Variants in SUGCT observed in about 807,000 individuals in gnomAD.
The protein encoded by SUGCT is succinyl-CoA:glutarate-CoA transferase.
A neutral mutation model predicts 55.0 loss-of-function variants in SUGCT; 41 were observed. The ratio of observed to expected loss-of-function variants is 0.74; its 90% CI spans 0.58 to 0.97. The LOEUF is 0.97. Ranked by LOEUF, SUGCT falls within the 50% of genes least tolerant of loss-of-function variation. The pLI, the probability that SUGCT is intolerant of heterozygous loss-of-function variation, is 0.00. For synonymous variants in SUGCT, 187 were observed against 200.4 expected (o/e 0.93, Z 0.56); for missense variants, 568 against 547.8 (o/e 1.04, Z -0.37).
chr7:40,213,773 G>C (rs1787473238), intron 6 of SUGCT, among the ~76,000 whole-genome samples: 1 of 152,152 alleles, frequency 6.6e-6, no homozygotes, highest in Admixed American at 6.5e-5. Context: ...TCAAGTTGTA[G>C]TCCAATATTA....
At chr7:40,190,829 C>T (rs1285166699) in intron 5 of SUGCT, among the ~76,000 whole-genome samples, 2 of 152,112 alleles carry the variant, frequency 1.3e-5, no homozygotes, top group Non-Finnish European at 2.9e-5. Context: ...GTCCTGCAGT[C>T]GGCCCTGTGG....
At chr7:40,953,560 G>GT in the SUGCT span, among the ~76,000 whole-genome samples, 1 of 152,226 alleles carries the variant, frequency 6.6e-6, no homozygotes, top group Non-Finnish European at 1.5e-5. Flanking sequence ...TTTCTGCTCT[G>GT]TTTTTTCCCC....
intron 9 of SUGCT, among the ~76,000 whole-genome samples, chr7:40,320,436 A>G (rs892615888): frequency 5.3e-5 from 8 of 152,142 alleles, no homozygotes; most frequent in Non-Finnish European, 8.8e-5. Flanking sequence ...GCCCTTAAAC[A>G]ATTATACTTA....
At chr7:40,801,605 A>C (rs1790820239) in intron 13 of SUGCT, among the ~76,000 whole-genome samples, 1 of 152,160 alleles carries the variant, frequency 6.6e-6, no homozygotes, top group Non-Finnish European at 1.5e-5. Flanking sequence ...ATAAAAATGA[A>C]GACTGAGTTT....
At chr7:40,536,513 G>T (rs1794368716) in intron 12 of SUGCT, among the ~76,000 whole-genome samples, 1 of 152,196 alleles carries the variant, frequency 6.6e-6, no homozygotes, top group African/African-American at 2.4e-5. Context: ...TTTGAGAATG[G>T]AAAGTTTTGG....
chr7:40,684,257 AG>A, intron 12 of SUGCT: 24 of 1,352,872 alleles, frequency 1.8e-5, no homozygotes, highest in Non-Finnish European at 1.9e-5. Context: ...TTTACATCAC[AG>A]GTTTCAGGGA....
downstream of SUGCT, among the ~76,000 whole-genome samples, chr7:40,865,464 G>A (rs1794562577): frequency 6.6e-6 from 1 of 152,182 alleles, no homozygotes; most frequent in African/African-American, 2.4e-5. Flanking sequence ...ACTCTGGGCT[G>A]TGGCAGAGTT....
chr7:40,248,459 C>G (rs1396486516), intron 7 of SUGCT, among the ~76,000 whole-genome samples: 1 of 152,130 alleles, frequency 6.6e-6, no homozygotes, highest in Non-Finnish European at 1.5e-5. Flanking sequence ...GTTTATTTAA[C>G]CTTCTCTTGC....
chr7:40,943,108 A>G, the SUGCT span, among the ~76,000 whole-genome samples: 2 of 151,858 alleles, frequency 1.3e-5, no homozygotes, highest in Non-Finnish European at 2.9e-5. Context: ...AGCTAGTGTG[A>G]TCTTTTAGGG....
chr7:40,292,271 G>A (rs1284802278), intron 8 of SUGCT, among the ~76,000 whole-genome samples: 1 of 152,006 alleles, frequency 6.6e-6, no homozygotes, highest in East Asian at 1.9e-4. Flanking sequence ...ATAGGGACAG[G>A]GGATTAACAC....
intron 7 of SUGCT, among the ~76,000 whole-genome samples, chr7:40,245,404 C>CATATATATATATATATAT (rs202125224): frequency 2.5e-3 from 133 of 53,186 alleles, no homozygotes; most frequent in East Asian, 9.4e-3. Context: ...ACGTAGTAGA[C>CATATATATATATATATAT]ATATATATAT....
the SUGCT span, among the ~76,000 whole-genome samples, chr7:40,915,441 A>T: frequency 2.1e-3 from 321 of 152,320 alleles, 1 homozygote; most frequent in Non-Finnish European, 2.4e-3. Flanking sequence ...GGAATTGTCT[A>T]TGAATGTTTA....
rs1308642810 is a variant in SUGCT at position 40,377,124 on chromosome 7, CTT to C, written c.816+60270_816+60271del. ...CAAACTTGGAAAGGAAATTTTCAGC[CTT>C]CCTCTTTCTTTCTTTCTTTCTTTCT... On this transcript the variant is annotated intron_variant, in intron 9 of 13. Transcript: ENST00000335693. 1.9e-4 allele frequency among the ~76,000 whole-genome samples: 2 copies of C among 10,426 alleles called. 1 individual carries two copies. The highest frequency in any genetic ancestry group is 2.4e-4 in the African/African-American group (2 of 8,466). 6.8% of individuals were successfully genotyped at this position (10,426 alleles called of 152,430 possible). A position where few individuals can be genotyped will look rare whatever the true frequency, so the allele number is the denominator to read the frequency against.
the SUGCT span, among the ~76,000 whole-genome samples, chr7:40,976,167 G>A: frequency 6.6e-6 from 1 of 152,186 alleles, no homozygotes. Flanking sequence ...GGAGCCATGA[G>A]GTGGGTCTAT....
chr7:40,594,417 G>A (rs1005568455), intron 12 of SUGCT, among the ~76,000 whole-genome samples: 3 of 151,440 alleles, frequency 2.0e-5, no homozygotes, highest in African/African-American at 7.3e-5. Flanking sequence ...TATGAAATGT[G>A]ATCGCCCTTC....
intron 5 of SUGCT, among the ~76,000 whole-genome samples, chr7:40,190,390 C>T (rs185782721): frequency 5.3e-5 from 8 of 152,266 alleles, no homozygotes; most frequent in Admixed American, 4.6e-4. Context: ...GCTGGGATTA[C>T]AGGTGTGCAC....
chr7:40,993,568 T>C, the SUGCT span, among the ~76,000 whole-genome samples: 1 of 152,184 alleles, frequency 6.6e-6, no homozygotes, highest in Non-Finnish European at 1.5e-5. Flanking sequence ...GGAAGCAGCT[T>C]CATCTGCAGT....
intron 12 of SUGCT, among the ~76,000 whole-genome samples, chr7:40,576,808 T>A (rs951634119): frequency 6.6e-6 from 1 of 152,198 alleles, no homozygotes; most frequent in Non-Finnish European, 1.5e-5. Context: ...GAAGGCCTGG[T>A]CCCTGCCTCC....
In SUGCT at chr7:40,585,823, G is replaced by A. The variant is rs531274034; in HGVS notation, c.1089+89437G>A. Among the ~76,000 whole-genome samples, 10 of 152,098 alleles carry A rather than the reference G, an allele frequency of 6.6e-5. No individual in the cohort carries two copies. In the South Asian group the frequency reaches 2.1e-3, roughly 32 times the overall value. Reference sequence around the variant, plus strand: ...GCCTCTCAAGTACCTGGGATTACAGGTGTGCACCACCACACCTGGCTGATT... The same window carrying A: ...GCCTCTCAAGTACCTGGGATTACAGATGTGCACCACCACACCTGGCTGATT... On this transcript the variant is annotated intron_variant, in intron 12 of 13. Transcript: ENST00000335693.
Sources: allele counts gnomAD v4.1 joint callset (sites outside exome capture counted in the v4.1 genomes callset), GRCh38; gene constraint gnomAD v4.1.1; transcripts MANE v1.5; gene names NCBI Gene and HGNC (gene_info 2026-07-23, HGNC 2026-07-21).